Variants in TTN observed in about 807,000 individuals in gnomAD.
TTN encodes connectin.
In TTN, 1,525 loss-of-function variants were observed where a neutral mutation model predicts 3,223.0. That is an observed-to-expected ratio of 0.47 (90% CI 0.45 to 0.49). The LOEUF is 0.49. Among genes scored for constraint, TTN ranks in the 20% least tolerant of loss-of-function variants. The pLI is 0.00. For missense variants in TTN, 40,786 were observed against 43,424.0 expected (o/e 0.94, Z 5.40); for synonymous variants, 14,094 against 15,161.0 (o/e 0.93, Z 5.17).
Position 178,666,887 on chromosome 2 carries a change from T to G in TTN, c.35812A>C (p.Lys11938Gln). 6.4e-7 allele frequency: 1 copy of G among 1,564,300 alleles called. No homozygotes were observed. The highest frequency in any genetic ancestry group is 1.4e-5 in the African/African-American group (1 of 73,804). The change falls in exon 163 of 363, where the codon AAG (lysine) becomes CAG (glutamine). Residue 11938 changes from lysine to glutamine, a missense_variant. Lys to Gln is a moderately conservative substitution (Grantham distance 53). Coordinates refer to ENST00000589042, the MANE Select transcript of TTN (RefSeq NM_001267550.2). The stretch of plus-strand genomic sequence containing the variant: ...GTTTCTCCCTCTGGAATGACTTCCT[T>G]GAAGACTTCAAACTCTTTAAAGATA... Reference protein sequence around the residue: ...HPPTEEFEVFKEVIPEGETPI... With the variant: ...HPPTEEFEVFQEVIPEGETPI...
Position 178,785,944 on chromosome 2 carries a change from G to A in TTN, c.2274C>T (p.His758=), listed in dbSNP as rs772664968. The change falls in exon 14 of 363, where the codon CAC becomes CAT. Residue 758 remains histidine, a synonymous_variant. Transcript: ENST00000589042. ...EPPQRPASEP[H]VVPKAVKPRV... ...TAGGCTTGACTGCTTTAGGGACAACGTGGGGTTCTGAGGCTGGACGTTGGG... is the reference window on the plus strand; with the variant it reads ...TAGGCTTGACTGCTTTAGGGACAACATGGGGTTCTGAGGCTGGACGTTGGG... 1.6e-5 allele frequency: 26 copies of A among 1,614,142 alleles called. No individual in the cohort carries two copies. The Admixed American group carries it at 2.2e-4, about 13-fold the overall frequency.
At position 178,740,817 on chromosome 2, in the gene TTN, T is replaced by C. The variant is rs72648920; in HGVS notation, c.12416A>G (p.His4139Arg). ...AGATGGTTCCTTGAGAGGCTGAAAG[T>C]GAATACTGCCATTGATGCAAAGAAA... Reference protein sequence around the residue: ...REFLCINGSIHFQPLKEPSPN... With the variant: ...REFLCINGSIRFQPLKEPSPN... The change falls in exon 48 of 363, where the codon CAC (histidine) becomes CGC (arginine). Residue 4139 changes from histidine (H) to arginine (R), a missense_variant. Physicochemically the swap from His to Arg is conservative, Grantham distance 29. Coordinates refer to ENST00000589042, the MANE Select transcript of TTN (RefSeq NM_001267550.2). 4.8e-5 allele frequency: 78 copies of C among 1,613,596 alleles called. No individual in the cohort carries two copies. The Middle Eastern group carries it at 9.9e-4, about 20-fold the overall frequency.
chr2:178,776,454 A>T lies in TTN; in HGVS notation c.5410T>A (p.Ser1804Thr), dbSNP rs1333399387. ...VKDEKSLVEE[S>T]QLPEGRKGLQ... is the part of the protein sequence containing the mutation. ...CCTTTCCTCCCCTCAGGCAATTGGG[A>T]TTCTTCCACAAGACTTTTCTCATCT... is the stretch of plus-strand genomic sequence containing the variant. Residue 1804 changes from serine (S) to threonine (T), a missense_variant, in exon 28 of 363, where the codon TCC (serine) becomes ACC (threonine). By Grantham distance (58) the Ser-to-Thr change is moderately conservative. Coordinates refer to ENST00000589042, the MANE Select transcript of TTN (RefSeq NM_001267550.2). 3 of 1,608,466 alleles carry T rather than the reference A, an allele frequency of 1.9e-6. No homozygotes were observed. Among genetic ancestry groups the T allele is most frequent in the Non-Finnish European group, 1.7e-6 (2 of 1,179,980 alleles).
In TTN at chr2:178,554,193, G is replaced by T; in HGVS notation, c.88918C>A (p.Pro29640Thr). ...TTCTTGGTAATCTTTGTCACTTCTG[G>T]TATGCCTGGTGGCCCAGGTGTAACT... Reference protein sequence around the residue: ...AFVTPGPPGIPEVTKITKNSM... With the variant: ...AFVTPGPPGITEVTKITKNSM... Residue 29640 changes from proline (P) to threonine (T), a missense_variant, in exon 333 of 363, where the codon CCA becomes ACA. Physicochemically the swap from Pro to Thr is conservative, Grantham distance 38. Coordinates refer to ENST00000589042, the MANE Select transcript of TTN (RefSeq NM_001267550.2). The T allele has an allele frequency of 6.2e-7, 1 of 1,604,850 alleles. No individual in the cohort carries two copies. The highest frequency in any genetic ancestry group is 8.5e-7 in the Non-Finnish European group (1 of 1,176,280).
Position 178,794,982 on chromosome 2 carries a change from G to GGCAGCACCC in TTN, c.1176_1184dup (p.Gly393_Ala395dup), listed in dbSNP as rs1574927808. 6 of 1,607,638 alleles carry GGCAGCACCC rather than the reference G, an allele frequency of 3.7e-6. No individual in the cohort carries two copies. The highest frequency in any genetic ancestry group is 2.2e-5 in the East Asian group (1 of 44,886). ...AGCTAGCACTGGCCGACACACTGGCGGCAGCACCCGCAGCACCACTGATGG... is the reference window on the plus strand; with the variant it reads ...AGCTAGCACTGGCCGACACACTGGCGGCAGCACCCGCAGCACCCGCAGCACCACTGATGG... On this transcript the variant is annotated inframe_insertion, in exon 7 of 363. Transcript: ENST00000589042.
chr2:178,681,284 CA>C, intron 137 of TTN, 91 bp downstream of exon 137: 2 of 1,452,708 alleles, frequency 1.4e-6, no homozygotes, highest in African/African-American at 2.8e-5. Flanking sequence ...TCCTACTCAG[CA>C]AAAACACAGA....
chr2:178,604,663 T>A (rs1427285384), intron 281 of TTN, 45 bp downstream of exon 281: 7 of 1,523,732 alleles, frequency 4.6e-6, no homozygotes, highest in Non-Finnish European at 6.2e-6. Flanking sequence ...CAAACCAGAG[T>A]CATGTACTTT....
chr2:178,541,315 G>A lies in TTN; in HGVS notation c.97762C>T (p.Pro32588Ser). The A allele has an allele frequency of 1.3e-6, 2 of 1,544,844 alleles. No individual in the cohort carries two copies. The highest frequency in any genetic ancestry group is 1.8e-6 in the Non-Finnish European group (2 of 1,139,846). The part of the protein sequence containing the change: ...NARGSGKPSR[P>S]SKPIVAMDPI... ...TCCATGGCAACGATGGGTTTGGAAG[G>A]ACGACTTGGTTTCCCAGACCCTCTT... Residue 32588 changes from proline to serine, a missense_variant, in exon 350 of 363, where the codon CCT becomes TCT. Physicochemically the swap from Pro to Ser is moderately conservative, Grantham distance 74 (BLOSUM62 -1). Transcript: ENST00000589042.
Position 178,609,780 on chromosome 2 carries a change from C to T in TTN, c.51643G>A (p.Gly17215Arg). The T allele has an allele frequency of 6.2e-7, 1 of 1,612,852 alleles. No individual in the cohort carries two copies. Among genetic ancestry groups the T allele is most frequent in the South Asian group, 1.1e-5 (1 of 91,024 alleles). The change falls in exon 272 of 363, where the codon GGG becomes AGG. Residue 17215 changes from glycine to arginine, a missense_variant. Coordinates refer to ENST00000589042, the MANE Select transcript of TTN (RefSeq NM_001267550.2). ...LTYTAKGLEE[G>R]KEYQFRVRAE... ...CGCACACGGAATTGGTACTCTTTCC[C>T]CTCTTCAAGTCCTTTTGCTGTATAG...
intron 56 of TTN, 35 bp downstream of exon 56, chr2:178,732,405 G>C: frequency 6.3e-7 from 1 of 1,583,734 alleles, no homozygotes; most frequent in Non-Finnish European, 8.6e-7. Flanking sequence ...TTTATAACAA[G>C]GTTAGCACAA....
chr2:178,682,881 T>C lies in TTN; in HGVS notation c.32910A>G (p.Lys10970=). Residue 10970 remains lysine, a synonymous_variant, in exon 135 of 363, where the codon AAA becomes AAG. Transcript: ENST00000589042. ...CTTCTTCTAGGGTATAAGCCCTTTCTTTCTCTTCCATTATAGTTACTTCTG... is the reference window on the plus strand; with the variant it reads ...CTTCTTCTAGGGTATAAGCCCTTTCCTTCTCTTCCATTATAGTTACTTCTG... ...PIKEVTIMEE[K]ERAYTLEEEA... is the part of the protein sequence containing the mutation. 1 of 1,607,910 alleles carries C rather than the reference T, an allele frequency of 6.2e-7. No homozygotes were observed. The highest frequency in any genetic ancestry group is 8.5e-7 in the Non-Finnish European group (1 of 1,177,600).
At position 178,799,813 on chromosome 2, in the gene TTN, A is replaced by G; in HGVS notation, c.669+12T>C. The stretch of plus-strand genomic sequence containing the variant: ...CCTGAAAGGCTTGAAAACCAACAGT[A>G]TAGAAAAATACCTTTTCAATTCGGG... On this transcript the variant is annotated intron_variant, in intron 5 of 362. Transcript: ENST00000589042. 1 of 1,614,182 alleles carries G rather than the reference A, an allele frequency of 6.2e-7. No homozygotes were observed. Among genetic ancestry groups the G allele is most frequent in the Non-Finnish European group, 8.5e-7 (1 of 1,180,026 alleles).
At chr2:178,696,531 A>G (rs1220975041) in intron 113 of TTN, among the ~76,000 whole-genome samples, 2 of 151,878 alleles carry the variant, frequency 1.3e-5, no homozygotes, top group Non-Finnish European at 2.9e-5. Context: ...CACACCTTCT[A>G]TTATTCCATG....
At chr2:178,672,828 G>A (rs1307937322) in intron 152 of TTN, 125 bp from the exon 153 acceptor site, 1 of 675,460 alleles carries the variant, frequency 1.5e-6, no homozygotes, top group Non-Finnish European at 2.4e-6. Context: ...TGTACTGTGG[G>A]ACATCCATTT....
In TTN at chr2:178,593,839, A is replaced by G. The variant is rs1330540940; in HGVS notation, c.58461T>C (p.Val19487=). The change falls in exon 298 of 363, where the codon GTT becomes GTC. Residue 19487 remains valine, a synonymous_variant. Transcript: ENST00000589042. ...AATCTTTGGTCACCTCATCAAAACTAACTGGTCCTACTGGTGGTCCAGGAC... is the reference window on the plus strand; with the variant it reads ...AATCTTTGGTCACCTCATCAAAACTGACTGGTCCTACTGGTGGTCCAGGAC... ...VDRPGPPVGP[V]SFDEVTKDYM... 6.2e-7 allele frequency: 1 copy of G among 1,613,012 alleles called. No individual in the cohort carries two copies.
rs937009971 is a variant in TTN, at chr2:178,578,856, C to G, written c.68174G>C (p.Gly22725Ala). The change falls in exon 320 of 363, where the codon GGT becomes GCT. Residue 22725 changes from glycine (G) to alanine (A), a missense_variant. Coordinates refer to ENST00000589042, the MANE Select transcript of TTN (RefSeq NM_001267550.2). Reference sequence around the variant, plus strand: ...CTCCGATTTCAGGCCTTCCCCTACACCATATTTATTTTCGGCACTGACCCT... The same window carrying G: ...CTCCGATTTCAGGCCTTCCCCTACAGCATATTTATTTTCGGCACTGACCCT... Reference protein sequence around the residue: ...TFRVSAENKYGVGEGLKSEPI... With the variant: ...TFRVSAENKYAVGEGLKSEPI... The G allele has an allele frequency of 6.2e-7, 1 of 1,613,048 alleles. No individual in the cohort carries two copies. The highest frequency in any genetic ancestry group is 8.5e-7 in the Non-Finnish European group (1 of 1,179,402).
intron 47 of TTN, chr2:178,751,417 T>G (rs1574292353): frequency 1.2e-6 from 2 of 1,609,724 alleles, no homozygotes; most frequent in East Asian, 4.5e-5. Context: ...CAGAACTCAT[T>G]GTCTTAAAAT....
In TTN at chr2:178,665,776, C is replaced by T. The variant is rs1203849455; in HGVS notation, c.35891G>A (p.Arg11964Gln). The T allele has an allele frequency of 1.2e-5, 16 of 1,290,616 alleles. No homozygotes were observed. The highest frequency in any genetic ancestry group is 3.7e-5 in the Admixed American group (1 of 27,322). The allele number at this position is 1,290,616 out of a possible 1,614,324, so 79.9% of individuals were successfully genotyped here. Residue 11964 changes from arginine to glutamine, a missense_variant, in exon 164 of 363, where the codon CGA (arginine) becomes CAA (glutamine). Transcript: ENST00000589042. ...TPSPTVPESP[R>Q]EIVPVKETPM... ...TGTTTCCTTTACAGGGACAATTTCT[C>T]GAGGTGATTCAGGCACTTTAAAGAT...
intron 47 of TTN, chr2:178,744,562 G>A: frequency 1.1e-6 from 1 of 903,322 alleles, no homozygotes; most frequent in Non-Finnish European, 1.3e-6. Context: ...AAAATTGAAT[G>A]CTTATTAAGC....
Sources: gnomAD v4.1 joint callset for allele counts (sites outside exome capture counted in the v4.1 genomes callset) on GRCh38, gnomAD v4.1.1 for gene constraint, MANE v1.5 for transcripts, NCBI Gene and HGNC (gene_info 2026-07-23, HGNC 2026-07-21) for gene names.